Variants in SMCO4 observed in about 807,000 individuals in gnomAD.
SMCO4 encodes single-pass membrane protein with coiled-coil domains 4, also known as single-pass membrane and coiled-coil domain-containing protein 4.
SMCO4 carries 4 observed loss-of-function variants against 3.6 expected under a neutral mutation model. The ratio of observed to expected loss-of-function variants is 1.11; its 90% CI spans 0.54 to 2.53. The LOEUF is 2.53. Ranked by LOEUF, SMCO4 falls within the 30% of genes most tolerant of loss-of-function variation. The pLI is 0.02. For synonymous variants in SMCO4, 36 were observed against 35.3 expected (o/e 1.02, Z -0.07); for missense variants, 70 against 80.8 (o/e 0.87, Z 0.51).
intron 1 of SMCO4, among the ~76,000 whole-genome samples, chr11:93,524,518 C>T (rs948330936): frequency 6.6e-6 from 1 of 152,110 alleles, no homozygotes; most frequent in Non-Finnish European, 1.5e-5. Flanking sequence ...TGATGACGAC[C>T]ACTCCCTGGG....
intron 1 of SMCO4, chr11:93,523,503 T>TA (rs1337047819): frequency 6.6e-6 from 1 of 151,988 alleles, no homozygotes; most frequent in African/African-American, 2.4e-5. Flanking sequence ...ACCAAGAATA[T>TA]AAAAAATTAG....
At chr11:93,482,941 A>G (rs998961944) in intron 2 of SMCO4, among the ~76,000 whole-genome samples, 4 of 152,120 alleles carry the variant, frequency 2.6e-5, no homozygotes, top group African/African-American at 9.7e-5. Context: ...CTAGAGAATG[A>G]TGTTTGAGGG....
intron 2 of SMCO4, among the ~76,000 whole-genome samples, chr11:93,490,594 C>T (rs974361329): frequency 1.3e-5 from 2 of 152,122 alleles, no homozygotes; most frequent in Non-Finnish European, 2.9e-5. Flanking sequence ...CAGACTAAGC[C>T]GACCTACCAG....
intron 1 of SMCO4, chr11:93,537,918 G>T (rs1038428900): frequency 2.0e-5 from 3 of 152,386 alleles, no homozygotes; most frequent in Non-Finnish European, 4.4e-5. Context: ...CTTCCTCCTC[G>T]CAGCGAGAAC....
intron 2 of SMCO4, among the ~76,000 whole-genome samples, chr11:93,481,758 A>T (rs1948595213): frequency 6.6e-6 from 1 of 152,270 alleles, no homozygotes; most frequent in Admixed American, 6.5e-5. Flanking sequence ...AAAAGAAACA[A>T]GCCATTAGCA....
intron 1 of SMCO4, among the ~76,000 whole-genome samples, chr11:93,542,857 T>C (rs1157570400): frequency 6.6e-6 from 1 of 152,094 alleles, no homozygotes; most frequent in Non-Finnish European, 1.5e-5. Flanking sequence ...GGACCCGCGT[T>C]TCCCACCTTC....
chr11:93,498,449 C>T (rs1314116669), intron 2 of SMCO4, among the ~76,000 whole-genome samples: 1 of 152,254 alleles, frequency 6.6e-6, no homozygotes, highest in East Asian at 1.9e-4. Flanking sequence ...CACAGCGAGA[C>T]CTAAAGCCCC....
At position 93,535,377 on chromosome 11, in the gene SMCO4, T is replaced by G. The variant is rs1440458251; in HGVS notation, c.-154+7899A>C. The G allele has an allele frequency of 3.5e-5, 27 of 761,656 alleles. No individual in the cohort carries two copies. The East Asian group carries it at 4.3e-4, about 12-fold the overall frequency. 47.2% of individuals were successfully genotyped at this position (761,656 alleles called of 1,614,324 possible). ...TGCTATGGACCCACCACTCTTAACA[T>G]CTACGATCTCAGCAATAAGAATCAA... is the stretch of plus-strand genomic sequence containing the variant. On this transcript the variant is annotated intron_variant, in intron 1 of 2. Transcript: ENST00000298966.
chr11:93,499,385 T>C (rs1948811847), intron 1 of SMCO4, 37 bp from the exon 2 acceptor site: 1 of 152,210 alleles, frequency 6.6e-6, no homozygotes, highest in Non-Finnish European at 1.5e-5. Flanking sequence ...TAATAGCTGC[T>C]GGGGAGGTAT....
intron 2 of SMCO4, among the ~76,000 whole-genome samples, chr11:93,481,813 C>T (rs1050360306): frequency 7.2e-5 from 11 of 152,224 alleles, no homozygotes; most frequent in African/African-American, 1.9e-4. Context: ...AATGGCCTGT[C>T]GGAGCCCGCT....
chr11:93,493,453 G>C (rs2605607), intron 2 of SMCO4, among the ~76,000 whole-genome samples: 99,927 of 151,872 alleles, frequency 0.66, 33,155 homozygotes, highest in African/African-American at 0.7. Flanking sequence ...TGTATCACAC[G>C]CCACCCCCAA....
At position 93,535,501 on chromosome 11, in the gene SMCO4, G is replaced by A. The variant is rs947270951; in HGVS notation, c.-154+7775C>T. On this transcript the variant is annotated intron_variant, in intron 1 of 2. Coordinates refer to ENST00000298966, the MANE Select transcript of SMCO4 (RefSeq NM_020179.3). ...TGTTGGAGAGCGAGCAGCTCCTGAC[G>A]GAGCTGACCAGACTTTTCCAGAAGT... The A allele has an allele frequency of 1.2e-4, 171 of 1,385,482 alleles. 1 individual carries two copies. The highest frequency in any genetic ancestry group is 4.9e-4 in the Middle Eastern group (2 of 4,042). 85.8% of individuals were successfully genotyped at this position (1,385,482 alleles called of 1,614,324 possible). A position where few individuals can be genotyped will look rare whatever the true frequency, so the allele number is the denominator to read the frequency against.
chr11:93,484,496 C>A (rs772547344), intron 2 of SMCO4, among the ~76,000 whole-genome samples: 1 of 152,170 alleles, frequency 6.6e-6, no homozygotes, highest in Non-Finnish European at 1.5e-5. Flanking sequence ...CACGTCCCGA[C>A]TCTCCTCCTC....
At chr11:93,541,804 T>A (rs1043704370) in intron 1 of SMCO4, among the ~76,000 whole-genome samples, 5 of 152,208 alleles carry the variant, frequency 3.3e-5, no homozygotes, top group African/African-American at 1.2e-4. Context: ...GCTAATTTCT[T>A]TATAAGAACA....
At chr11:93,495,986 A>T (rs570453846) in intron 2 of SMCO4, among the ~76,000 whole-genome samples, 1 of 152,346 alleles carries the variant, frequency 6.6e-6, no homozygotes, top group South Asian at 2.1e-4. Context: ...GGTGCCAACA[A>T]TGCTGTGCCT....
At chr11:93,514,566 G>A (rs1948992550) in intron 1 of SMCO4, among the ~76,000 whole-genome samples, 1 of 151,228 alleles carries the variant, frequency 6.6e-6, no homozygotes, top group African/African-American at 2.4e-5. Flanking sequence ...GCTGCCTCAC[G>A]TATTACTTTT....
chr11:93,550,539 G>A, the SMCO4 span, among the ~76,000 whole-genome samples: 361 of 152,262 alleles, frequency 2.4e-3, no homozygotes, highest in Non-Finnish European at 4.3e-3. Context: ...GCCAGGCGTG[G>A]TGGCACACCC....
chr11:93,540,526 A>G (rs1365951728), intron 1 of SMCO4, among the ~76,000 whole-genome samples: 1 of 152,222 alleles, frequency 6.6e-6, no homozygotes, highest in Non-Finnish European at 1.5e-5. Context: ...GTTGCTCTTC[A>G]CATACAGTAT....
chr11:93,517,222 A>G (rs1324326864), intron 1 of SMCO4, among the ~76,000 whole-genome samples: 4 of 152,224 alleles, frequency 2.6e-5, no homozygotes, highest in Admixed American at 2.6e-4. Flanking sequence ...AACCAGCTCC[A>G]GAATGAGACC....
Sources: gnomAD v4.1 joint callset for allele counts (sites outside exome capture counted in the v4.1 genomes callset) on GRCh38, gnomAD v4.1.1 for gene constraint, MANE v1.5 for transcripts, NCBI Gene and HGNC (gene_info 2026-07-23, HGNC 2026-07-21) for gene names.